SPMIP2: variants seen among roughly 807,000 people sequenced by gnomAD.
SPMIP2 encodes the protein protein SPMIP2.
the SPMIP2 span, among the ~76,000 whole-genome samples, chr4:158,939,723 A>G: frequency 6.6e-6 from 1 of 152,076 alleles, no homozygotes; most frequent in Non-Finnish European, 1.5e-5. Flanking sequence ...CACACCTGTA[A>G]TCCCAGAACT....
chr4:158,901,661 A>G, the SPMIP2 span, among the ~76,000 whole-genome samples: 1 of 151,626 alleles, frequency 6.6e-6, no homozygotes, highest in African/African-American at 2.4e-5. Context: ...ACATAGTCTC[A>G]TATTTCTTGG....
At chr4:158,957,708 A>G in the SPMIP2 span, among the ~76,000 whole-genome samples, 1 of 152,186 alleles carries the variant, frequency 6.6e-6, no homozygotes, top group African/African-American at 2.4e-5. Flanking sequence ...TACAGGCGTG[A>G]GCCACTGTGC....
chr4:158,979,399 C>T, the SPMIP2 span, among the ~76,000 whole-genome samples: 11 of 151,886 alleles, frequency 7.2e-5, no homozygotes, highest in South Asian at 2.1e-4. Flanking sequence ...CACTGGGGTA[C>T]GAAAAACAAA....
chr4:158,904,592 C>G, the SPMIP2 span: 3 of 1,488,050 alleles, frequency 2.0e-6, no homozygotes, highest in Non-Finnish European at 2.8e-6. Context: ...ATCAAATTCT[C>G]AACTGAAGGA....
the SPMIP2 span, chr4:158,907,495 T>C: frequency 6.6e-6 from 1 of 152,198 alleles, no homozygotes; most frequent in Non-Finnish European, 1.5e-5. Flanking sequence ...TATAATTAGG[T>C]CCTGAGATTT....
the SPMIP2 span, among the ~76,000 whole-genome samples, chr4:158,920,378 A>G: frequency 6.6e-6 from 1 of 152,220 alleles, no homozygotes; most frequent in Non-Finnish European, 1.5e-5. Flanking sequence ...AAAAAGAGCC[A>G]TATTTTTCTT....
chr4:158,893,465 A>G, the SPMIP2 span: 5 of 476,984 alleles, frequency 1.0e-5, no homozygotes, highest in African/African-American at 1.9e-5. Flanking sequence ...AACAGCTACT[A>G]TTAGTATGAT....
the SPMIP2 span, among the ~76,000 whole-genome samples, chr4:159,074,677 G>C: frequency 1.4e-4 from 21 of 152,100 alleles, no homozygotes; most frequent in African/African-American, 4.8e-4. Context: ...ATGTGTAATG[G>C]AGCACATGTT....
At chr4:159,005,103 A>T in the SPMIP2 span, among the ~76,000 whole-genome samples, 1 of 149,482 alleles carries the variant, frequency 6.7e-6, no homozygotes, top group Non-Finnish European at 1.5e-5. Context: ...TGGTAGCGCA[A>T]GCCTGTAATC....
the SPMIP2 span, among the ~76,000 whole-genome samples, chr4:158,987,755 T>G: frequency 6.6e-6 from 1 of 151,938 alleles, no homozygotes; most frequent in Non-Finnish European, 1.5e-5. Flanking sequence ...ATTGTGCACA[T>G]GTACCCTAAA....
At chr4:158,911,414 CCA>C in the SPMIP2 span, among the ~76,000 whole-genome samples, 2 of 150,228 alleles carry the variant, frequency 1.3e-5, no homozygotes, top group African/African-American at 4.9e-5. Flanking sequence ...CCTGTGCACT[CCA>C]GTGACCCAGC....
the SPMIP2 span, among the ~76,000 whole-genome samples, chr4:158,921,617 A>C: frequency 2.6e-4 from 39 of 152,296 alleles, no homozygotes; most frequent in African/African-American, 9.1e-4. Flanking sequence ...AAGCCTGTAC[A>C]GCCTGCAGAA....
At chr4:159,058,013 T>C in the SPMIP2 span, among the ~76,000 whole-genome samples, 85 of 152,186 alleles carry the variant, frequency 5.6e-4, no homozygotes, top group African/African-American at 1.9e-3. Context: ...CCGAGCTGCA[T>C]GCCACCATGC....
chr4:158,954,192 G>A, the SPMIP2 span, among the ~76,000 whole-genome samples: 2 of 152,316 alleles, frequency 1.3e-5, no homozygotes, highest in Admixed American at 6.5e-5. Context: ...ATTCCCATGT[G>A]TTGTGGGTGG....
At chr4:158,906,640 T>C in the SPMIP2 span, 12 of 152,222 alleles carry the variant, frequency 7.9e-5, no homozygotes, top group African/African-American at 2.9e-4. Flanking sequence ...GTGGGTCACA[T>C]GTGGGGGCTG....
the SPMIP2 span, among the ~76,000 whole-genome samples, chr4:158,899,070 C>T: frequency 2.2e-4 from 33 of 152,104 alleles, no homozygotes; most frequent in African/African-American, 7.5e-4. Context: ...TGAGTTTTGT[C>T]GAAGGCCTTT....
At chr4:158,893,572 G>A in the SPMIP2 span, 48 of 726,046 alleles carry the variant, frequency 6.6e-5, no homozygotes, top group Admixed American at 3.8e-4. Context: ...AAGCTGAAGC[G>A]TACTCTTGCA....
At chr4:158,913,361 T>TGC in the SPMIP2 span, among the ~76,000 whole-genome samples, 2 of 152,124 alleles carry the variant, frequency 1.3e-5, no homozygotes, top group Non-Finnish European at 2.9e-5. Flanking sequence ...TAGCTGGGAT[T>TGC]ACAGGCATGC....
chr4:158,952,125 A>C, the SPMIP2 span, among the ~76,000 whole-genome samples: 1 of 152,232 alleles, frequency 6.6e-6, no homozygotes, highest in Non-Finnish European at 1.5e-5. Flanking sequence ...CTCTGAGGTA[A>C]GGAAAATTAA....
Sources: allele counts gnomAD v4.1 joint callset (sites outside exome capture counted in the v4.1 genomes callset), GRCh38; gene constraint gnomAD v4.1.1; transcripts MANE v1.5; gene names NCBI Gene and HGNC (gene_info 2026-07-23, HGNC 2026-07-21).